The following APP variants were observed in gnomAD, a reference collection of about 807,000 sequenced individuals.
APP encodes amyloid-beta precursor protein.
In APP, 31 loss-of-function variants were observed where a neutral mutation model predicts 101.4. The observed-to-expected ratio is 0.31, with a 90% CI of 0.23 to 0.41. The LOEUF (loss-of-function observed/expected upper bound fraction) is 0.41. Among genes scored for constraint, APP ranks in the 10% least tolerant of loss-of-function variants. The pLI, the probability that APP is intolerant of heterozygous loss-of-function variation, is 1.00. For synonymous variants in APP, 366 were observed against 364.4 expected, an observed-to-expected ratio of 1.00 and a Z score of -0.05; for missense variants, 839 against 1,003.7, an observed-to-expected ratio of 0.84 and a Z score of 2.22.
chr21:26,087,771 T>C (rs997902267), intron 3 of APP, among the ~76,000 whole-genome samples: 5 of 152,212 alleles, frequency 3.3e-5, no homozygotes, highest in African/African-American at 9.6e-5. Flanking sequence ...AACTTTACTA[T>C]CAAACAGGTA....
chr21:26,160,229 A>C (rs1015110101), intron 1 of APP, among the ~76,000 whole-genome samples: 1 of 152,210 alleles, frequency 6.6e-6, no homozygotes, highest in African/African-American at 2.4e-5. Flanking sequence ...ATTTTGTCTC[A>C]AATGTACTCT....
chr21:25,936,541 C>G (rs894841714), intron 13 of APP, among the ~76,000 whole-genome samples: 13 of 152,174 alleles, frequency 8.5e-5, no homozygotes, highest in African/African-American at 3.1e-4. Context: ...GAAACTCTGT[C>G]TCAACAAAAC....
At chr21:25,959,508 G>C (rs2041485473) in intron 11 of APP, among the ~76,000 whole-genome samples, 1 of 152,232 alleles carries the variant, frequency 6.6e-6, no homozygotes, top group South Asian at 2.1e-4. Context: ...TGTTCCAGGA[G>C]TACTTGCCTG....
intron 13 of APP, among the ~76,000 whole-genome samples, chr21:25,931,175 T>C (rs963061783): frequency 6.6e-5 from 10 of 152,210 alleles, no homozygotes; most frequent in African/African-American, 1.7e-4. Flanking sequence ...ACAAGTGTTA[T>C]GGTAGGGATA....
At chr21:25,911,650 C>T in intron 14 of APP, 91 bp downstream of exon 14, 3 of 1,212,058 alleles carry the variant, frequency 2.5e-6, no homozygotes, top group Non-Finnish European at 3.6e-6. Context: ...CACTCAAGAA[C>T]ATACAAAAGA....
chr21:26,080,364 G>C (rs1237432820), intron 3 of APP, among the ~76,000 whole-genome samples: 2 of 152,096 alleles, frequency 1.3e-5, no homozygotes, highest in African/African-American at 4.8e-5. Context: ...AATAACCAAA[G>C]TCGCAGGTGA....
chr21:25,924,444 T>TAAAAA (rs2039792637), intron 13 of APP, among the ~76,000 whole-genome samples: 1 of 45,390 alleles, frequency 2.2e-5, no homozygotes, highest in Non-Finnish European at 5.3e-5. Flanking sequence ...AAAAAAAGGT[T>TAAAAA]GAGTTCATGT....
intron 13 of APP, among the ~76,000 whole-genome samples, chr21:25,923,452 C>A (rs1261719729): frequency 1.6e-5 from 2 of 124,132 alleles, no homozygotes; most frequent in Non-Finnish European, 3.3e-5. Flanking sequence ...CAACCTACAA[C>A]ATGGGAGAAA....
intron 13 of APP, among the ~76,000 whole-genome samples, chr21:25,937,212 A>G (rs1714779508): frequency 6.6e-6 from 1 of 152,148 alleles, no homozygotes; most frequent in Non-Finnish European, 1.5e-5. Flanking sequence ...TGAAGGAACA[A>G]AAAAGGGGAT....
chr21:26,021,159 T>C (rs1300731870), intron 6 of APP, among the ~76,000 whole-genome samples: 1 of 151,328 alleles, frequency 6.6e-6, no homozygotes, highest in East Asian at 2.0e-4. Context: ...GCAATTCTCC[T>C]GTCTCAGCCT....
chr21:26,143,397 G>C (rs971233370), intron 1 of APP, among the ~76,000 whole-genome samples: 2 of 152,094 alleles, frequency 1.3e-5, no homozygotes, highest in Admixed American at 1.3e-4. Flanking sequence ...GTCCTGGTTA[G>C]GTCACTTCTT....
At chr21:25,904,961 G>C (rs2038711400) in intron 15 of APP, 63 bp downstream of exon 15, 4 of 1,407,276 alleles carry the variant, frequency 2.8e-6, no homozygotes, top group East Asian at 2.3e-5. Flanking sequence ...GCAGAAAGGA[G>C]ACAACGTCTG....
intron 15 of APP, among the ~76,000 whole-genome samples, chr21:25,901,292 G>A (rs528473331): frequency 0.063 from 3,821 of 60,892 alleles, 203 homozygotes; most frequent in African/African-American, 0.19. Flanking sequence ...GACAAATCCT[G>A]TTTTAAAAAA....
chr21:26,083,057 G>T (rs773797730), intron 3 of APP, among the ~76,000 whole-genome samples: 19 of 151,948 alleles, frequency 1.3e-4, no homozygotes, highest in South Asian at 8.3e-4. Flanking sequence ...TAAATGTAGG[G>T]GTATCCATGC....
intron 8 of APP, among the ~76,000 whole-genome samples, chr21:25,992,719 T>G (rs1347132870): frequency 6.6e-6 from 1 of 152,352 alleles, no homozygotes; most frequent in African/African-American, 2.4e-5. Flanking sequence ...CTTGTTAATC[T>G]GATAGAATAT....
At chr21:25,923,290 T>C (rs2039714335) in intron 13 of APP, among the ~76,000 whole-genome samples, 1 of 144,758 alleles carries the variant, frequency 6.9e-6, no homozygotes, top group African/African-American at 2.8e-5. Context: ...GAAGAAAACC[T>C]AGGCATTACC....
chr21:26,154,175 A>C (rs2063331096), intron 1 of APP, among the ~76,000 whole-genome samples: 1 of 152,204 alleles, frequency 6.6e-6, no homozygotes, highest in Non-Finnish European at 1.5e-5. Context: ...ACACACAATA[A>C]GCCTTCCAAA....
intron 5 of APP, among the ~76,000 whole-genome samples, chr21:26,032,794 GAAAAA>G (rs67118069): frequency 0.018 from 2,418 of 137,706 alleles, 63 homozygotes; most frequent in African/African-American, 0.059. Context: ...TATTATTTTA[GAAAAA>G]AAAAAAATAT....
intron 1 of APP, among the ~76,000 whole-genome samples, chr21:26,139,001 C>A (rs994800955): frequency 2.5e-4 from 38 of 152,080 alleles, no homozygotes; most frequent in Middle Eastern, 3.4e-3. Context: ...AATTGTGACA[C>A]GGTTACACTT....
Sources: allele counts gnomAD v4.1 joint callset (sites outside exome capture counted in the v4.1 genomes callset), GRCh38; gene constraint gnomAD v4.1.1; transcripts MANE v1.5; gene names NCBI Gene and HGNC (gene_info 2026-07-23, HGNC 2026-07-21).